EBF3: variants seen among roughly 807,000 people sequenced by gnomAD.
EBF3 encodes transcription factor COE3.
A neutral mutation model predicts 77.1 loss-of-function variants in EBF3; 18 were observed. That is an observed-to-expected ratio of 0.23 (90% confidence interval 0.16 to 0.35). The LOEUF (loss-of-function observed/expected upper bound fraction) is 0.35. EBF3 is among the 10% of genes least tolerant of loss of function. The pLI is 1.00. For missense variants in EBF3, 558 were observed against 860.0 expected (o/e 0.65, Z 4.39); for synonymous variants, 350 against 343.5 (o/e 1.02, Z -0.21).
chr10:129,916,127 C>A (rs1281890154), intron 6 of EBF3, among the ~76,000 whole-genome samples: 1 of 152,166 alleles, frequency 6.6e-6, no homozygotes, highest in Non-Finnish European at 1.5e-5. Flanking sequence ...CAGGGCCGGC[C>A]CTCACTGCTC....
rs1209222213 is a variant in EBF3, at chr10:129,926,145, C to T, written c.554+31113G>A. ...TTATGAAGACACCTTCACTGCTTCC[C>T]GAGGTGCTGTGTCGCAGCCATTCAT... is the stretch of plus-strand genomic sequence containing the variant. On this transcript the variant is annotated intron_variant, in intron 6 of 16. Coordinates refer to ENST00000440978, the MANE Select transcript of EBF3 (RefSeq NM_001375380.1). 6.6e-5 allele frequency among the ~76,000 whole-genome samples: 10 copies of T among 152,326 alleles called. No homozygotes were observed. In the East Asian group the frequency reaches 1.9e-3, roughly 29 times the overall value.
chr10:129,916,025 A>G (rs1468823029), intron 6 of EBF3, among the ~76,000 whole-genome samples: 2 of 152,158 alleles, frequency 1.3e-5, no homozygotes, highest in Non-Finnish European at 2.9e-5. Flanking sequence ...AGCTGGCCAC[A>G]CTCAGGAAAT....
chr10:129,843,316 C>G, intron 11 of EBF3, 114 bp from the exon 12 acceptor site: 1 of 1,095,518 alleles, frequency 9.1e-7, no homozygotes. Context: ...CACAGCGACC[C>G]GTCCTGGCCC....
At position 129,835,619 on chromosome 10, in the gene EBF3, C is replaced by T; in HGVS notation, c.*2324G>A. The stretch of plus-strand genomic sequence containing the variant: ...TGACTTCTCAGGCTTTCCCATGTAG[C>T]TAGACCTTGTCAACCATCACAAAGC... On this transcript the variant is annotated 3_prime_UTR_variant, in exon 17 of 17. Coordinates refer to ENST00000440978, the MANE Select transcript of EBF3 (RefSeq NM_001375380.1). 1 of 152,306 alleles carries T rather than the reference C, an allele frequency of 6.6e-6. No individual in the cohort carries two copies. Among genetic ancestry groups the T allele is most frequent in the Non-Finnish European group, 1.5e-5 (1 of 68,032 alleles). 9.4% of individuals were successfully genotyped at this position (152,306 alleles called of 1,614,324 possible).
chr10:129,844,891 A>G (rs1487422735), intron 11 of EBF3, among the ~76,000 whole-genome samples: 1 of 152,206 alleles, frequency 6.6e-6, no homozygotes, highest in African/African-American at 2.4e-5. Flanking sequence ...GGTATTAATA[A>G]TTACTCATAA....
chr10:129,838,652 G>A (rs554966286), intron 16 of EBF3, among the ~76,000 whole-genome samples: 2 of 152,358 alleles, frequency 1.3e-5, no homozygotes, highest in Admixed American at 6.5e-5. Flanking sequence ...AAGTGGGGCT[G>A]ACGCTTTCAC....
chr10:129,958,861 A>G (rs2134622964), intron 5 of EBF3, 73 bp downstream of exon 5: 1 of 1,492,254 alleles, frequency 6.7e-7, no homozygotes. Flanking sequence ...CGGCGCCTGG[A>G]CGCGGCGTCC....
chr10:129,900,298 T>C (rs117405975), intron 6 of EBF3, among the ~76,000 whole-genome samples: 3,084 of 152,310 alleles, frequency 0.02, 47 homozygotes, highest in Non-Finnish European at 0.031. Flanking sequence ...ATGTGAATTA[T>C]TTTTTTCCAG....
chr10:129,882,642 T>C (rs1853289017), intron 6 of EBF3, among the ~76,000 whole-genome samples: 1 of 152,228 alleles, frequency 6.6e-6, no homozygotes, highest in Non-Finnish European at 1.5e-5. Flanking sequence ...TGTATTGTAA[T>C]GTGTGAAATA....
chr10:129,850,553 G>C (rs1045110290), intron 10 of EBF3, among the ~76,000 whole-genome samples: 1 of 152,346 alleles, frequency 6.6e-6, no homozygotes, highest in African/African-American at 2.4e-5. Flanking sequence ...CTCCTGCCAG[G>C]CTGGATGCGG....
chr10:129,874,881 A>G (rs1348045653), intron 7 of EBF3, among the ~76,000 whole-genome samples: 1 of 152,132 alleles, frequency 6.6e-6, no homozygotes. Flanking sequence ...GGGTCCGCAC[A>G]TGTAAGGAAT....
chr10:129,907,377 T>C (rs1449234971), intron 6 of EBF3, among the ~76,000 whole-genome samples: 1 of 152,238 alleles, frequency 6.6e-6, no homozygotes, highest in Non-Finnish European at 1.5e-5. Flanking sequence ...GAATATTTTA[T>C]TAGGTTTCTT....
intron 6 of EBF3, among the ~76,000 whole-genome samples, chr10:129,917,878 C>A (rs1856003948): frequency 6.6e-6 from 1 of 152,134 alleles, no homozygotes; most frequent in Admixed American, 6.5e-5. Flanking sequence ...AAGCTACTAA[C>A]AGTAGCAGAT....
Position 129,915,461 on chromosome 10 carries a change from T to TGCAC in EBF3, c.555-37616_555-37613dup, listed in dbSNP as rs1855811810. ...ACTCACCCATGCATGCGCGCACACATGCACACACACACACACACACACACA... is the reference window on the plus strand; with the variant it reads ...ACTCACCCATGCATGCGCGCACACATGCACGCACACACACACACACACACACACA... On this transcript the variant is annotated intron_variant, in intron 6 of 16. Transcript: ENST00000440978. Among the ~76,000 whole-genome samples, 4 of 116,024 alleles carry TGCAC rather than the reference T, an allele frequency of 3.4e-5. No individual in the cohort carries two copies. In the South Asian group the frequency reaches 1.2e-3, roughly 35 times the overall value. The allele number at this position is 116,024 out of a possible 152,430, so 76.1% of individuals were successfully genotyped here.
rs746867869 is a variant in EBF3 at position 129,842,319 on chromosome 10, G to A, written c.1195-26C>T. On this transcript the variant is annotated intron_variant, in intron 12 of 16. Coordinates refer to ENST00000440978, the MANE Select transcript of EBF3 (RefSeq NM_001375380.1). This position sits in a 1 kb window ranked among gnomAD's most constrained non-coding sequence, Gnocchi z 4.4. ...CTGCAGCAGGAGCAAGTGGGAGCCG[G>A]CCTGTCACCCCAGGCCCGGCCCAGC... 1.3e-6 allele frequency: 2 copies of A among 1,554,474 alleles called. No individual in the cohort carries two copies. The highest frequency in any genetic ancestry group is 2.3e-5 in the East Asian group (1 of 42,840).
chr10:129,866,178 G>A (rs1852002155), intron 10 of EBF3, among the ~76,000 whole-genome samples: 1 of 152,168 alleles, frequency 6.6e-6, no homozygotes, highest in Admixed American at 6.5e-5. Context: ...CTGAAGTCCA[G>A]TAGCTCAATC....
intron 6 of EBF3, among the ~76,000 whole-genome samples, chr10:129,878,661 C>CAAAAA (rs538628576): frequency 0.12 from 4,156 of 34,774 alleles, 568 homozygotes; most frequent in Non-Finnish European, 0.14. Context: ...GGCTCTGTCT[C>CAAAAA]AAAAAAAAAA....
chr10:129,913,120 G>A (rs568176809), intron 6 of EBF3, among the ~76,000 whole-genome samples: 66 of 152,336 alleles, frequency 4.3e-4, no homozygotes, highest in African/African-American at 1.6e-3. Flanking sequence ...TTCGAGCTAG[G>A]CATTTTTCTC....
At chr10:129,850,721 C>T (rs1483212314) in intron 10 of EBF3, among the ~76,000 whole-genome samples, 1 of 152,228 alleles carries the variant, frequency 6.6e-6, no homozygotes, top group Non-Finnish European at 1.5e-5. Context: ...TTCTGGGAGG[C>T]TTCTGATCAC....
Sources: gnomAD v4.1 joint callset for allele counts (sites outside exome capture counted in the v4.1 genomes callset) on GRCh38, gnomAD v4.1.1 for gene constraint, Gnocchi (gnomAD v3.1) non-coding constraint, MANE v1.5 for transcripts, NCBI Gene and HGNC (gene_info 2026-07-23, HGNC 2026-07-21) for gene names.